The following ARID1B variants were observed in gnomAD, a reference collection of about 807,000 sequenced individuals.
ARID1B encodes AT-rich interactive domain-containing protein 1B.
In ARID1B, 30 loss-of-function variants were observed where a neutral mutation model predicts 212.3. That is an observed-to-expected ratio of 0.14 (90% CI 0.11 to 0.19). The LOEUF (loss-of-function observed/expected upper bound fraction) is 0.19. ARID1B is among the 10% of genes least tolerant of loss of function. ARID1B has a pLI of 1.00. For missense variants in ARID1B, 2,891 were observed against 3,204.0 expected, an observed-to-expected ratio of 0.90 and a Z score of 2.36; for synonymous variants, 1,402 against 1,301.7, an observed-to-expected ratio of 1.08 and a Z score of -1.66.
chr6:156,952,399 G>A (rs1242609298), intron 4 of ARID1B, among the ~76,000 whole-genome samples: 1 of 152,206 alleles, frequency 6.6e-6, no homozygotes, highest in Non-Finnish European at 1.5e-5. Flanking sequence ...TAAAATTGGA[G>A]CTGTGCTCCT....
At chr6:156,919,375 T>C (rs1761237622) in intron 3 of ARID1B, among the ~76,000 whole-genome samples, 1 of 152,180 alleles carries the variant, frequency 6.6e-6, no homozygotes, top group South Asian at 2.1e-4. Context: ...ATTTAACATA[T>C]ATTTTAAGTT....
intron 4 of ARID1B, among the ~76,000 whole-genome samples, chr6:156,971,571 T>A (rs1230488702): frequency 6.6e-6 from 1 of 152,192 alleles, no homozygotes; most frequent in Admixed American, 6.5e-5. Flanking sequence ...TTTCATAGTT[T>A]CTATGGCTCA....
In ARID1B at chr6:157,148,531, G is replaced by A. The variant is rs1789965154; in HGVS notation, c.2762-93G>A. On this transcript the variant is annotated intron_variant, in intron 7 of 19. Transcript: ENST00000636930. The surrounding 1 kb of genome is among the most constrained non-coding windows in gnomAD (Gnocchi z 5.6). The stretch of plus-strand genomic sequence containing the variant: ...CTATAACGGTCATGACTAATACTCC[G>A]TGCTGATCGCATTGTTGGACAAAAA... 7.9e-6 allele frequency: 11 copies of A among 1,384,458 alleles called. No homozygotes were observed. The highest frequency in any genetic ancestry group is 1.1e-5 in the Non-Finnish European group (11 of 1,013,338). 85.8% of individuals were successfully genotyped at this position (1,384,458 alleles called of 1,614,324 possible).
At chr6:157,137,698 T>G (rs1400510547) in intron 7 of ARID1B, among the ~76,000 whole-genome samples, 1 of 152,190 alleles carries the variant, frequency 6.6e-6, no homozygotes, top group Non-Finnish European at 1.5e-5. Flanking sequence ...GTTCTGAGTC[T>G]AGATTGCTCC....
intron 1 of ARID1B, among the ~76,000 whole-genome samples, chr6:156,813,314 A>G (rs1781745745): frequency 6.9e-6 from 1 of 145,596 alleles, no homozygotes; most frequent in Non-Finnish European, 1.5e-5. Flanking sequence ...GGGCTTCACC[A>G]TGTTGCCCAG....
chr6:156,981,188 C>CTG, intron 4 of ARID1B, among the ~76,000 whole-genome samples: 1 of 152,176 alleles, frequency 6.6e-6, no homozygotes, highest in African/African-American at 2.4e-5. Flanking sequence ...TAAGATTGCT[C>CTG]CAGGTCCACA....
At chr6:157,077,032 T>C (rs1784355072) in intron 4 of ARID1B, among the ~76,000 whole-genome samples, 1 of 152,206 alleles carries the variant, frequency 6.6e-6, no homozygotes, top group Non-Finnish European at 1.5e-5. Context: ...GCATATATCT[T>C]TCAACTCATG....
intron 3 of ARID1B, among the ~76,000 whole-genome samples, chr6:156,931,928 TC>T (rs1187035269): frequency 7.5e-6 from 1 of 133,126 alleles, no homozygotes; most frequent in African/African-American, 3.0e-5. Flanking sequence ...CGCGATGCAC[TC>T]CAGCCTGGGC....
At chr6:156,934,912 T>TATA (rs1792040171) in intron 3 of ARID1B, among the ~76,000 whole-genome samples, 1 of 52,702 alleles carries the variant, frequency 1.9e-5, no homozygotes, top group Non-Finnish European at 3.5e-5. Flanking sequence ...TAGTTGTTAA[T>TATA]TATATATATA....
intron 3 of ARID1B, among the ~76,000 whole-genome samples, chr6:156,933,423 A>C (rs913323862): frequency 4.6e-5 from 7 of 152,208 alleles, no homozygotes; most frequent in Non-Finnish European, 2.9e-5. Flanking sequence ...CATGCTGTTT[A>C]TGGAAAGGAA....
At chr6:156,993,473 T>G (rs17270127) in intron 4 of ARID1B, among the ~76,000 whole-genome samples, 9,011 of 152,342 alleles carry the variant, frequency 0.059, 333 homozygotes, top group Middle Eastern at 0.095. Flanking sequence ...AGTTATTTCC[T>G]ATTTTGCAAG....
chr6:156,964,075 C>T (rs1794579953), intron 4 of ARID1B, among the ~76,000 whole-genome samples: 1 of 152,228 alleles, frequency 6.6e-6, no homozygotes, highest in Non-Finnish European at 1.5e-5. Context: ...GGATTCTGCC[C>T]CTTGGCCTGC....
chr6:157,189,570 C>CT, intron 13 of ARID1B, 72 bp from the exon 14 acceptor site: 3 of 1,487,978 alleles, frequency 2.0e-6, no homozygotes, highest in Non-Finnish European at 1.8e-6. Context: ...ATCTGTATAA[C>CT]TAGCAAGGCA....
intron 6 of ARID1B, among the ~76,000 whole-genome samples, chr6:157,115,102 G>A (rs763657376): frequency 7.2e-5 from 11 of 152,244 alleles, no homozygotes; most frequent in African/African-American, 2.2e-4. Context: ...TGCAGTCCCC[G>A]TCCCCACCCC....
chr6:156,788,667 A>G (rs2671291), intron 1 of ARID1B, among the ~76,000 whole-genome samples: 22,705 of 152,252 alleles, frequency 0.15, 2,123 homozygotes, highest in Non-Finnish European at 0.21. Context: ...TTCACTGAAT[A>G]TATGATTTAG....
At chr6:157,142,126 G>T (rs1414898895) in intron 7 of ARID1B, among the ~76,000 whole-genome samples, 2 of 152,192 alleles carry the variant, frequency 1.3e-5, no homozygotes, top group Non-Finnish European at 2.9e-5. Flanking sequence ...AGCCTATACT[G>T]TGTGACTCCA....
Position 156,946,427 on chromosome 6 carries a change from C to T in ARID1B, c.2247+10851C>T, listed in dbSNP as rs553819593. ...AATAAATATGCCCATTAGTGAGTGTCCAAGATAGAGGTGTGTGAATTTTAA... is the reference window on the plus strand; with the variant it reads ...AATAAATATGCCCATTAGTGAGTGTTCAAGATAGAGGTGTGTGAATTTTAA... On this transcript the variant is annotated intron_variant, in intron 4 of 19. Transcript: ENST00000636930. 2.6e-5 allele frequency among the ~76,000 whole-genome samples: 4 copies of T among 151,980 alleles called. No individual in the cohort carries two copies. The South Asian group carries it at 6.2e-4, about 24-fold the overall frequency.
At chr6:157,170,348 C>A (rs1308394869) in intron 9 of ARID1B, 3 of 152,180 alleles carry the variant, frequency 2.0e-5, no homozygotes, top group African/African-American at 7.2e-5. Flanking sequence ...TCACAGTTTT[C>A]TGTCTTGGGA....
At chr6:157,108,152 A>G (rs957546715) in intron 5 of ARID1B, 1 of 152,236 alleles carries the variant, frequency 6.6e-6, no homozygotes, top group Middle Eastern at 3.2e-3. Flanking sequence ...GATCTGTATC[A>G]TGATAAAGCT....
Sources: allele counts gnomAD v4.1 joint callset (sites outside exome capture counted in the v4.1 genomes callset), GRCh38; gene constraint gnomAD v4.1.1; non-coding constraint Gnocchi (gnomAD v3.1); transcripts MANE v1.5; gene names NCBI Gene and HGNC (gene_info 2026-07-23, HGNC 2026-07-21).